The following MUC4 variants were observed in gnomAD, a reference collection of about 807,000 sequenced individuals.
MUC4 encodes mucin 4, cell surface associated.
MUC4 carries 202 observed loss-of-function variants against 257.9 expected under a neutral mutation model. That is an observed-to-expected ratio of 0.78 (90% CI 0.70 to 0.88). MUC4 has a LOEUF of 0.88. Among genes scored for constraint, MUC4 ranks in the 40% least tolerant of loss-of-function variants. The probability of loss-of-function intolerance (pLI) is 0.00; values close to 1 mark genes in which losing one functional copy is unlikely to be tolerated. For missense variants in MUC4, 5,976 were observed against 6,513.7 expected (o/e 0.92, Z 2.84); for synonymous variants, 2,351 against 2,757.1 (o/e 0.85, Z 4.62).
intron 5 of MUC4, chr3:195,770,661 C>T: frequency 2.0e-6 from 1 of 509,836 alleles, no homozygotes; most frequent in Non-Finnish European, 3.6e-6. Flanking sequence ...AGCAGAGCCA[C>T]TCGGGCCCAC....
chr3:195,773,557 C>T lies in MUC4; in HGVS notation c.13077+615G>A, dbSNP rs139648587. Among the ~76,000 whole-genome samples, 1,171 of 120,158 alleles carry T rather than the reference C, an allele frequency of 9.7e-3. 21 individuals carry two copies. Among genetic ancestry groups the T allele is most frequent in the African/African-American group, 0.054 (1,099 of 20,326 alleles). The allele number at this position is 120,158 out of a possible 152,430, so 78.8% of individuals were successfully genotyped here. On this transcript the variant is annotated intron_variant, in intron 4 of 24. Coordinates refer to ENST00000463781, the MANE Select transcript of MUC4 (RefSeq NM_018406.7). ...GCAGGTGTGGACACCCTCTCTCTATCGCTCAGCAGGTGTGGACACCCTCTC... is the reference window on the plus strand; with the variant it reads ...GCAGGTGTGGACACCCTCTCTCTATTGCTCAGCAGGTGTGGACACCCTCTC...
At chr3:195,753,802 G>C (rs1439081617) in intron 19 of MUC4, 1 of 204,830 alleles carries the variant, frequency 4.9e-6, no homozygotes, top group Non-Finnish European at 9.6e-6. Context: ...GTGAGATGCA[G>C]AGATCCTGAG....
At chr3:195,767,906 ATCACCATCGCCACTG>A (rs1721860248) in intron 7 of MUC4, among the ~76,000 whole-genome samples, 2 of 128,066 alleles carry the variant, frequency 1.6e-5, no homozygotes, top group African/African-American at 4.5e-5. Flanking sequence ...CATCACCACC[ATCACCATCGCCACTG>A]CCACCTCCAC....
intron 1 of MUC4, among the ~76,000 whole-genome samples, chr3:195,800,124 A>G (rs1422782862): frequency 6.6e-6 from 1 of 152,104 alleles, no homozygotes; most frequent in Non-Finnish European, 1.5e-5. Flanking sequence ...CTAAAAATAC[A>G]AAAATTACCC....
chr3:195,754,465 G>A (rs1167386361), intron 18 of MUC4, 93 bp from the exon 19 acceptor site: 21 of 1,452,278 alleles, frequency 1.4e-5, no homozygotes, highest in East Asian at 2.4e-5. Flanking sequence ...CTGAGAACCC[G>A]TGGACCCTGA....
Position 195,756,241 on chromosome 3 carries a change from C to T in MUC4, c.15168+906G>A, listed in dbSNP as rs112818502. Among the ~76,000 whole-genome samples the T allele has an allele frequency of 9.1e-3, 1,379 of 152,292 alleles. 33 individuals are homozygous for T. The highest frequency in any genetic ancestry group is 0.032 in the African/African-American group (1,325 of 41,536). On this transcript the variant is annotated intron_variant, in intron 18 of 24. Coordinates refer to ENST00000463781, the MANE Select transcript of MUC4 (RefSeq NM_018406.7). ...CGGCCTCAGAAAAGGTGTCCTGTGT[C>T]TGAGCAAGGCACAGAAGCAGCAGAG...
rs542498469 is a variant in MUC4 at position 195,751,003 on chromosome 3, G to A, written c.15757C>T (p.Leu5253=). Residue 5253 remains leucine, a synonymous_variant, in exon 23 of 25, where the codon CTG becomes TTG. Transcript: ENST00000463781. ...AAGAACGCCTCCACCACCGCGGCCA[G>A]CAGCTGGTTGTTCAGGAAGTCAATG... The part of the protein sequence containing the change: ...PVIDFLNNQL[L]AAVVEAFLYH... The A allele has an allele frequency of 6.2e-7, 1 of 1,614,070 alleles. No individual in the cohort carries two copies. Among genetic ancestry groups the A allele is most frequent in the Admixed American group, 1.7e-5 (1 of 60,018 alleles).
In MUC4 at chr3:195,782,249, A is replaced by C. The variant is rs1241374118; in HGVS notation, c.9331T>G (p.Ser3111Ala). 21 of 1,526,296 alleles carry C rather than the reference A, an allele frequency of 1.4e-5. 1 individual carries two copies. Among genetic ancestry groups the C allele is most frequent in the Non-Finnish European group, 1.9e-5 (21 of 1,134,928 alleles). The allele number at this position is 1,526,296 out of a possible 1,614,324, so 94.5% of individuals were successfully genotyped here. ...GTGGTGTGACCTGTGGATGCTGAGG[A>C]AGGGCTAGTGACAGGAAGAGGCGTG... Reference protein sequence around the residue: ...DTTPLPVTSPSSASTGHTTPL... With the variant: ...DTTPLPVTSPASASTGHTTPL... Residue 3111 changes from serine (S) to alanine (A), a missense_variant, in exon 2 of 25, where the codon TCC becomes GCC. Physicochemically the swap from Ser to Ala is moderately conservative, Grantham distance 99. This residue lies in a region of MUC4 where 128 missense variants were observed against 104.8 expected (regional missense o/e 1.22). Transcript: ENST00000463781.
chr3:195,795,458 A>G (rs1734456058), intron 1 of MUC4, among the ~76,000 whole-genome samples: 1 of 152,206 alleles, frequency 6.6e-6, no homozygotes, highest in African/African-American at 2.4e-5. Flanking sequence ...CCAATGCCAG[A>G]TAAATACAGG....
intron 3 of MUC4, among the ~76,000 whole-genome samples, chr3:195,775,433 T>A (rs1479779683): frequency 8.6e-6 from 1 of 116,174 alleles, no homozygotes; most frequent in African/African-American, 3.0e-5. Context: ...ACCCATACCT[T>A]CCACACCCAT....
intron 1 of MUC4, among the ~76,000 whole-genome samples, chr3:195,797,556 G>A (rs1020527629): frequency 1.3e-5 from 2 of 152,048 alleles, no homozygotes; most frequent in African/African-American, 4.8e-5. Flanking sequence ...CAATAGAAAC[G>A]TTTCTGTAAA....
Position 195,761,423 on chromosome 3 carries a change from G to A in MUC4, c.14614+61C>T, listed in dbSNP as rs545966258. On this transcript the variant is annotated intron_variant, in intron 15 of 24. Transcript: ENST00000463781. ...TGCTTCCTACAGGGCCGAGGGGGACGACATAAACATACCGGCTCCCCTCAC... is the reference window on the plus strand; with the variant it reads ...TGCTTCCTACAGGGCCGAGGGGGACAACATAAACATACCGGCTCCCCTCAC... 74 of 1,382,640 alleles carry A rather than the reference G, an allele frequency of 5.4e-5. No homozygotes were observed. In the African/African-American group the frequency reaches 7.5e-4, roughly 14 times the overall value. The allele number at this position is 1,382,640 out of a possible 1,614,324, so 85.6% of individuals were successfully genotyped here. A position where few individuals can be genotyped will look rare whatever the true frequency, so the allele number is the denominator to read the frequency against.
At position 195,791,140 on chromosome 3, in the gene MUC4, G is replaced by C. The variant is rs1374321241; in HGVS notation, c.440C>G (p.Thr147Ser). The part of the protein sequence containing the change: ...TITMTTSTDS[T>S]LGNTEETSTA... Reference sequence around the variant, plus strand: ...TGATGTCTCTTCTGTGTTTCCAAGAGTGGAGTCTGTGGAGGTTGTCATTGT... The same window carrying C: ...TGATGTCTCTTCTGTGTTTCCAAGACTGGAGTCTGTGGAGGTTGTCATTGT... The change falls in exon 2 of 25, where the codon ACT becomes AGT. Residue 147 changes from threonine (T) to serine (S), a missense_variant. Thr to Ser is a moderately conservative substitution (Grantham distance 58, BLOSUM62 1). Transcript: ENST00000463781. 2 of 1,613,936 alleles carry C rather than the reference G, an allele frequency of 1.2e-6. No individual in the cohort carries two copies. The highest frequency in any genetic ancestry group is 1.7e-6 in the Non-Finnish European group (2 of 1,179,876).
At chr3:195,749,865 T>C (rs566759274) in intron 23 of MUC4, 1 of 152,424 alleles carries the variant, frequency 6.6e-6, no homozygotes, top group East Asian at 1.9e-4. Flanking sequence ...GTTTTTTTCC[T>C]CTTTTCTTTT....
intron 24 of MUC4, 83 bp from the exon 25 acceptor site, chr3:195,747,463 G>A: frequency 2.7e-6 from 4 of 1,471,044 alleles, no homozygotes; most frequent in Non-Finnish European, 3.7e-6. Context: ...GGAAGAAGAG[G>A]TTCTGTAGGA....
In MUC4 at chr3:195,765,096, G is replaced by T. The variant is rs1221783072; in HGVS notation, c.13825C>A (p.Leu4609Met). 1 of 1,613,552 alleles carries T rather than the reference G, an allele frequency of 6.2e-7. No homozygotes were observed. Among genetic ancestry groups the T allele is most frequent in the Non-Finnish European group, 8.5e-7 (1 of 1,179,766 alleles). ...CCTCGCCAAGAGGTGAAGCTGCACA[G>T]CTGCCTACTGCCGAGGCCCCAGCGA... ...IGRWGLGSRQ[L>M]CSFTSWRGGV... The change falls in exon 10 of 25, where the codon CTG becomes ATG. Residue 4609 changes from leucine (L) to methionine (M), a missense_variant. Leu to Met is a conservative substitution (Grantham distance 15, BLOSUM62 2). This residue lies in a region of MUC4 where 996 missense variants were observed against 1,137.3 expected (regional missense o/e 0.88). Coordinates refer to ENST00000463781, the MANE Select transcript of MUC4 (RefSeq NM_018406.7).
intron 18 of MUC4, among the ~76,000 whole-genome samples, chr3:195,756,778 G>T (rs867303591): frequency 6.6e-6 from 1 of 151,828 alleles, no homozygotes; most frequent in South Asian, 2.1e-4. Flanking sequence ...TTTTCCTGCC[G>T]CAGCCTCCCG....
chr3:195,765,174 G>C lies in MUC4; in HGVS notation c.13799-52C>G, dbSNP rs370712890. On this transcript the variant is annotated intron_variant, in intron 9 of 24. Transcript: ENST00000463781. ...CCCAGGCTGGGGCTGCCAGGGGCGG[G>C]GTGGGAACAAGCAGGGGCTGTTTCT... 6.7e-4 allele frequency: 1,061 copies of C among 1,589,860 alleles called. 1 individual carries two copies. The highest frequency in any genetic ancestry group is 6.9e-4 in the Non-Finnish European group (808 of 1,164,072).
intron 4 of MUC4, among the ~76,000 whole-genome samples, chr3:195,772,761 C>G (rs112974991): frequency 8.1e-6 from 1 of 123,306 alleles, no homozygotes; most frequent in African/African-American, 3.7e-5. Flanking sequence ...GGTGTAGACA[C>G]CCCCTCTCCA....
Sources: gnomAD v4.1 joint callset for allele counts (sites outside exome capture counted in the v4.1 genomes callset) on GRCh38, gnomAD v4.1.1 for gene constraint, gnomAD v4.1.1 regional missense constraint, MANE v1.5 for transcripts, NCBI Gene and HGNC (gene_info 2026-07-23, HGNC 2026-07-21) for gene names.